C8orf76: variants seen among roughly 807,000 people sequenced by gnomAD.
C8orf76 encodes chromosome 8 open reading frame 76.
A neutral mutation model predicts 38.1 loss-of-function variants in C8orf76; 46 were observed. The ratio of observed to expected loss-of-function variants is 1.21; its 90% CI spans 0.95 to 1.54. C8orf76 has a LOEUF of 1.54. C8orf76 is among the 40% of genes most tolerant of loss of function. The pLI, the probability that C8orf76 is intolerant of heterozygous loss-of-function variation, is 0.00. For missense variants in C8orf76, 461 were observed against 441.6 expected, an observed-to-expected ratio of 1.04 and a Z score of -0.39; for synonymous variants, 166 against 167.5, an observed-to-expected ratio of 0.99 and a Z score of 0.07.
chr8:123,231,239 G>T, intron 4 of C8orf76, 61 bp downstream of exon 4: 1 of 1,511,114 alleles, frequency 6.6e-7, no homozygotes. Flanking sequence ...CTTAAAATTA[G>T]AAAATAAAGC....
chr8:123,226,201 T>C (rs1244379077), intron 5 of C8orf76: 8 of 1,208,066 alleles, frequency 6.6e-6, no homozygotes, highest in Non-Finnish European at 8.2e-6. Context: ...TAAGCATTCA[T>C]TCATTCATTT....
chr8:123,225,520 G>C (rs2131134721), intron 5 of C8orf76, among the ~76,000 whole-genome samples: 1 of 152,298 alleles, frequency 6.6e-6, no homozygotes, highest in South Asian at 2.1e-4. Flanking sequence ...GAGAGGCCAA[G>C]GGAATCTTTA....
At chr8:123,240,153 A>G (rs1403436452) in intron 1 of C8orf76, among the ~76,000 whole-genome samples, 1 of 151,056 alleles carries the variant, frequency 6.6e-6, no homozygotes, top group East Asian at 1.9e-4. Flanking sequence ...CTGAAGGGAC[A>G]AATAAGGAGC....
intron 4 of C8orf76, among the ~76,000 whole-genome samples, chr8:123,228,086 C>T (rs1020269390): frequency 1.3e-5 from 2 of 152,188 alleles, no homozygotes; most frequent in African/African-American, 4.8e-5. Context: ...CCACCATCCA[C>T]CTGTGCATCC....
rs551894878 is a variant in C8orf76, at chr8:123,220,215, G to A, written c.1031C>T (p.Ala344Val). 177 of 1,613,682 alleles carry A rather than the reference G, an allele frequency of 1.1e-4. 2 individuals are homozygous for A. The highest frequency in any genetic ancestry group is 9.4e-4 in the South Asian group (86 of 91,024). ...VKCVGSVALT[A>V]LVTVSSEEFE... The stretch of plus-strand genomic sequence containing the variant: ...TTCTTCTGAGGATACAGTCACCAAG[G>A]CAGTCAGGGCTACGGAGCCAACACA... The change falls in exon 6 of 6, where the codon GCC becomes GTC. Residue 344 changes from alanine to valine, a missense_variant. Physicochemically the swap from Ala to Val is moderately conservative, Grantham distance 64. Transcript: ENST00000276704.
chr8:123,230,467 C>T (rs1825211183), intron 4 of C8orf76, among the ~76,000 whole-genome samples: 1 of 151,920 alleles, frequency 6.6e-6, no homozygotes, highest in African/African-American at 2.4e-5. Context: ...CTTAACATTC[C>T]ATCTTGGACA....
At chr8:123,227,676 C>T (rs1014200192) in intron 4 of C8orf76, among the ~76,000 whole-genome samples, 7 of 152,152 alleles carry the variant, frequency 4.6e-5, no homozygotes, top group African/African-American at 1.7e-4. Context: ...GCTTGAAAAT[C>T]ACTAAGATCA....
chr8:123,236,130 G>T (rs149891609), intron 3 of C8orf76, among the ~76,000 whole-genome samples: 1 of 152,298 alleles, frequency 6.6e-6, no homozygotes, highest in East Asian at 1.9e-4. Flanking sequence ...TCCTCGAATT[G>T]CAAGAGGCTG....
Position 123,231,431 on chromosome 8 carries a change from C to T in C8orf76, c.684G>A (p.Val228=). The part of the protein sequence containing the change: ...ETLPESSLFS[V]EANSSNSQKN... ...TCTGGCTATTACTGCTATTCGCTTC[C>T]ACAGAAAATAAAGAGCTCTCAGGCA... Residue 228 remains valine, a synonymous_variant, in exon 4 of 6, where the codon GTG becomes GTA. Coordinates refer to ENST00000276704, the MANE Select transcript of C8orf76 (RefSeq NM_032847.3). The T allele has an allele frequency of 6.2e-7, 1 of 1,614,200 alleles. No homozygotes were observed. The highest frequency in any genetic ancestry group is 1.1e-5 in the South Asian group (1 of 91,084).
chr8:123,228,004 C>G (rs1447959199), intron 4 of C8orf76, among the ~76,000 whole-genome samples: 2 of 152,070 alleles, frequency 1.3e-5, no homozygotes, highest in East Asian at 3.9e-4. Context: ...GTACTTCAAG[C>G]CTAAAATCAT....
intron 4 of C8orf76, among the ~76,000 whole-genome samples, chr8:123,226,919 C>T (rs566969069): frequency 1.3e-5 from 2 of 152,280 alleles, no homozygotes; most frequent in South Asian, 4.1e-4. Context: ...GAGCTTCCGG[C>T]CTCAAAAGAG....
At chr8:123,233,666 G>A (rs1167963146) in intron 3 of C8orf76, among the ~76,000 whole-genome samples, 2 of 152,032 alleles carry the variant, frequency 1.3e-5, no homozygotes, top group African/African-American at 4.8e-5. Context: ...GGGAATACAG[G>A]CATGAGCCAC....
At position 123,226,596 on chromosome 8, in the gene C8orf76, C is replaced by T. The variant is rs745614242; in HGVS notation, c.852G>A (p.Ser284=). Residue 284 remains serine, a synonymous_variant, in exon 5 of 6, where the codon TCG becomes TCA. Coordinates refer to ENST00000276704, the MANE Select transcript of C8orf76 (RefSeq NM_032847.3). ...TCCTTAAGTTCCTCTCCAAAGCAAA[C>T]GATGTTTGCTGAGGTTGGGTAAACT... ...LLQFTQPQQT[S]FALERNLRTQ... The T allele has an allele frequency of 2.5e-5, 40 of 1,609,556 alleles. No homozygotes were observed. Among genetic ancestry groups the T allele is most frequent in the Non-Finnish European group, 3.4e-5 (40 of 1,179,006 alleles).
chr8:123,240,838 G>T (rs577390251), intron 1 of C8orf76, among the ~76,000 whole-genome samples: 11 of 152,224 alleles, frequency 7.2e-5, no homozygotes, highest in African/African-American at 2.7e-4. Flanking sequence ...CGGGCAGGGG[G>T]AGCTCGCCGA....
intron 4 of C8orf76, among the ~76,000 whole-genome samples, chr8:123,230,938 G>A (rs1007206470): frequency 2.6e-5 from 4 of 152,114 alleles, no homozygotes; most frequent in Admixed American, 1.3e-4. Context: ...GTGAGCCACC[G>A]CGCCCGGCCC....
At chr8:123,223,412 A>G (rs1266202192) in intron 5 of C8orf76, among the ~76,000 whole-genome samples, 1 of 152,214 alleles carries the variant, frequency 6.6e-6, no homozygotes, top group African/African-American at 2.4e-5. Context: ...GTTCGAGACC[A>G]GCCTGGCCAA....
chr8:123,225,434 G>A (rs1417825344), intron 5 of C8orf76, among the ~76,000 whole-genome samples: 1 of 152,192 alleles, frequency 6.6e-6, no homozygotes, highest in African/African-American at 2.4e-5. Flanking sequence ...ATAAAGACTG[G>A]AGAGTAATCA....
chr8:123,228,892 A>G (rs1394901342), intron 4 of C8orf76, among the ~76,000 whole-genome samples: 3 of 152,246 alleles, frequency 2.0e-5, no homozygotes, highest in African/African-American at 7.2e-5. Context: ...CCATTTCTCC[A>G]TCTGTCAAGA....
intron 3 of C8orf76, chr8:123,237,156 T>C (rs1825525233): frequency 2.6e-6 from 2 of 774,112 alleles, no homozygotes; most frequent in African/African-American, 3.4e-5. Flanking sequence ...CACCCCGTGC[T>C]GTCAACTCCC....
Sources: gnomAD v4.1 joint callset for allele counts (sites outside exome capture counted in the v4.1 genomes callset) on GRCh38, gnomAD v4.1.1 for gene constraint, MANE v1.5 for transcripts, NCBI Gene and HGNC (gene_info 2026-07-23, HGNC 2026-07-21) for gene names.